TIMP1: variants seen among roughly 807,000 people sequenced by gnomAD.
The protein encoded by TIMP1 is TIMP metallopeptidase inhibitor 1.
A neutral mutation model predicts 13.7 loss-of-function variants in TIMP1; 5 were observed. The ratio of observed to expected loss-of-function variants is 0.36; its 90% CI spans 0.19 to 0.76. TIMP1 has a LOEUF of 0.76. Among genes scored for constraint, TIMP1 ranks in the 30% least tolerant of loss-of-function variants. TIMP1 has a pLI of 0.51. For synonymous variants in TIMP1, 63 were observed against 67.1 expected (o/e 0.94, Z 0.30); for missense variants, 131 against 168.4 (o/e 0.78, Z 1.23).
chrX:47,585,920 T>A, intron 5 of TIMP1: 1 of 1,115,465 alleles, frequency 9.0e-7, no homozygotes, highest in Non-Finnish European at 1.2e-6. Flanking sequence ...AATTCTCCCT[T>A]GTGACTATTC....
In TIMP1 at chrX:47,585,570, T is replaced by G; in HGVS notation, c.356T>G (p.Ile119Ser). ...AAACTGCAGGATGGACTCTTGCACA[T>G]CACTACCTGCAGTTTTGTGGCTCCC... ...AGKLQDGLLH[I>S]TTCSFVAPWN... The change falls in exon 5 of 6, where the codon ATC (isoleucine) becomes AGC (serine). Residue 119 changes from isoleucine to serine, a missense_variant. Ile to Ser is a moderately radical substitution (Grantham distance 142, BLOSUM62 -2). Transcript: ENST00000218388. 8.3e-7 allele frequency: 1 copy of G among 1,200,033 alleles called. No homozygotes were observed. The highest frequency in any genetic ancestry group is 1.1e-6 in the Non-Finnish European group (1 of 889,025).
intron 1 of TIMP1, among the ~76,000 whole-genome samples, chrX:47,583,043 C>T (rs913356898): frequency 1.0e-5 from 1 of 97,302 alleles, no homozygotes; most frequent in Admixed American, 1.1e-4. Context: ...TAAACTCTGC[C>T]GTCTCCAAAC....
rs770242868 is a variant in TIMP1 at position 47,586,471 on chromosome X, C to T, written c.454-50C>T. Reference sequence around the variant, plus strand: ...GCTGAGGAGAGGAAGTTCTGCTCCACGGGGGAGGCAGGGAGAAGCCCTCAG... The same window carrying T: ...GCTGAGGAGAGGAAGTTCTGCTCCATGGGGGAGGCAGGGAGAAGCCCTCAG... On this transcript the variant is annotated intron_variant, in intron 5 of 5. Transcript: ENST00000218388. The T allele has an allele frequency of 1.1e-4, 128 of 1,187,763 alleles. 1 individual carries two copies. In the South Asian group the frequency reaches 1.9e-3, roughly 17 times the overall value.
At position 47,585,558 on chromosome X, in the gene TIMP1, G is replaced by T; in HGVS notation, c.344G>T (p.Gly115Val). ...TTCTCCTTAGGAAAACTGCAGGATGGACTCTTGCACATCACTACCTGCAGT... is the reference window on the plus strand; with the variant it reads ...TTCTCCTTAGGAAAACTGCAGGATGTACTCTTGCACATCACTACCTGCAGT... The part of the protein sequence containing the change: ...EFLIAGKLQD[G>V]LLHITTCSFV... Residue 115 changes from glycine (G) to valine (V), a missense_variant, in exon 5 of 6, where the codon GGA becomes GTA. Coordinates refer to ENST00000218388, the MANE Select transcript of TIMP1 (RefSeq NM_003254.3). 8.3e-7 allele frequency: 1 copy of T among 1,200,530 alleles called. No homozygotes were observed. The highest frequency in any genetic ancestry group is 1.1e-6 in the Non-Finnish European group (1 of 889,334).
chrX:47,583,338 G>A, intron 1 of TIMP1, 70 bp from the exon 2 acceptor site: 1 of 1,068,777 alleles, frequency 9.4e-7, no homozygotes, highest in Non-Finnish European at 1.2e-6. Context: ...GGGCAAGATG[G>A]GGTGGATGAC....
At chrX:47,584,198 G>T (rs1238159886) in intron 2 of TIMP1, among the ~76,000 whole-genome samples, 1 of 111,291 alleles carries the variant, frequency 9.0e-6, no homozygotes, top group Non-Finnish European at 1.9e-5. Context: ...AGATAGCAAG[G>T]ATGATCAGGT....
intron 5 of TIMP1, 69 bp from the exon 6 acceptor site, chrX:47,586,452 G>A (rs1032375869): frequency 7.0e-5 from 82 of 1,170,712 alleles, no homozygotes; most frequent in Non-Finnish European, 8.5e-5. Context: ...GAAAGCTGAG[G>A]AGAGGAAGTT....
intron 5 of TIMP1, 50 bp from the exon 6 acceptor site, chrX:47,586,471 C>G (rs770242868): frequency 5.9e-6 from 7 of 1,189,165 alleles, no homozygotes; most frequent in Non-Finnish European, 7.9e-6. Flanking sequence ...TTCTGCTCCA[C>G]GGGGGAGGCA....
chrX:47,583,312 C>T (rs1230561841), intron 1 of TIMP1, 96 bp from the exon 2 acceptor site: 2 of 749,841 alleles, frequency 2.7e-6, no homozygotes, highest in Non-Finnish European at 1.9e-6. Flanking sequence ...CCTAATCCCC[C>T]CCATAGGCTG....
At chrX:47,585,378 G>A (rs1283138742) in intron 4 of TIMP1, 47 bp downstream of exon 4, 1 of 1,206,051 alleles carries the variant, frequency 8.3e-7, no homozygotes, top group Non-Finnish European at 1.1e-6. Flanking sequence ...CAGTCCCTGG[G>A]GCGCGGCCTA....
At position 47,583,412 on chromosome X, in the gene TIMP1, C is replaced by T; in HGVS notation, c.-4C>T. 1.7e-6 allele frequency: 2 copies of T among 1,199,414 alleles called. No homozygotes were observed. Among genetic ancestry groups the T allele is most frequent in the Non-Finnish European group, 2.2e-6 (2 of 889,944 alleles). ...TGACATCCCCCTTCCCCACAGAACC[C>T]ACCATGGCCCCCTTTGAGCCCCTGG... is the stretch of plus-strand genomic sequence containing the variant. On this transcript the variant is annotated 5_prime_UTR_variant, in exon 2 of 6. Transcript: ENST00000218388.
At chrX:47,585,927 A>C (rs2057823969) in intron 5 of TIMP1, 3 of 1,110,032 alleles carry the variant, frequency 2.7e-6, no homozygotes, top group Non-Finnish European at 3.6e-6. Flanking sequence ...CCTTGTGACT[A>C]TTCTGTAATC....
At chrX:47,582,546 G>A (rs2057802902) in intron 1 of TIMP1, 72 bp downstream of exon 1, 2 of 354,897 alleles carry the variant, frequency 5.6e-6, no homozygotes, top group South Asian at 2.6e-5. Flanking sequence ...CACCAGGCCC[G>A]TGCACTCCCG....
chrX:47,586,258 A>G (rs751078007), intron 5 of TIMP1: 1 of 752,574 alleles, frequency 1.3e-6, no homozygotes. Flanking sequence ...CCTTTGGGAC[A>G]ATTCCACAGG....
chrX:47,586,488 A>G (rs766658534), intron 5 of TIMP1, 33 bp from the exon 6 acceptor site: 5 of 1,200,664 alleles, frequency 4.2e-6, no homozygotes, highest in South Asian at 3.6e-5. Context: ...GGCAGGGAGA[A>G]GCCCTCAGAG....
rs199775125 is a variant in TIMP1 at position 47,586,579 on chromosome X, C to T, written c.512C>T (p.Thr171Met). ...CAGAGTGGCACTCATTGCTTGTGGA[C>T]GGACCAGCTCCTCCAAGGCTCTGAA... is the stretch of plus-strand genomic sequence containing the variant. ...KLQSGTHCLWTDQLLQGSEKG... is the reference protein window; with the variant it reads ...KLQSGTHCLWMDQLLQGSEKG... Residue 171 changes from threonine (T) to methionine (M), a missense_variant, in exon 6 of 6, where the codon ACG (threonine) becomes ATG (methionine). Thr to Met is a moderately conservative substitution (Grantham distance 81, BLOSUM62 -1). Transcript: ENST00000218388. The T allele has an allele frequency of 5.3e-4, 644 of 1,210,579 alleles. No homozygotes were observed. Among genetic ancestry groups the T allele is most frequent in the Middle Eastern group, 3.4e-3 (15 of 4,356 alleles).
At chrX:47,582,567 C>T (rs2057803073) in intron 1 of TIMP1, 93 bp downstream of exon 1, 1 of 363,538 alleles carries the variant, frequency 2.8e-6, no homozygotes, top group African/African-American at 2.6e-5. Context: ...TGCCAGATGC[C>T]TGTCTACTCA....
At chrX:47,584,133 G>A (rs1171853466) in intron 2 of TIMP1, among the ~76,000 whole-genome samples, 1 of 111,591 alleles carries the variant, frequency 9.0e-6, no homozygotes, top group Non-Finnish European at 1.9e-5. Context: ...GCTGAAGGCA[G>A]GCCAAGGGGA....
At chrX:47,582,538 C>T (rs749628257) in intron 1 of TIMP1, 64 bp downstream of exon 1, 3 of 349,374 alleles carry the variant, frequency 8.6e-6, no homozygotes, top group Non-Finnish European at 1.7e-5. Flanking sequence ...GTGCTGGCCA[C>T]CAGGCCCGTG....
Sources: gnomAD v4.1 joint callset for allele counts (sites outside exome capture counted in the v4.1 genomes callset) on GRCh38, gnomAD v4.1.1 for gene constraint, MANE v1.5 for transcripts, NCBI Gene and HGNC (gene_info 2026-07-23, HGNC 2026-07-21) for gene names.